The following DDAH1 variants were observed in gnomAD, a reference collection of about 807,000 sequenced individuals.
DDAH1 encodes N(G),N(G)-dimethylarginine dimethylaminohydrolase 1.
DDAH1 carries 19 observed loss-of-function variants against 28.8 expected under a neutral mutation model. That is an observed-to-expected ratio of 0.66 (90% CI 0.46 to 0.97). DDAH1 has a LOEUF of 0.97. DDAH1 is among the 50% of genes least tolerant of loss of function. DDAH1 has a pLI of 0.00. For missense variants in DDAH1, 326 were observed against 375.9 expected (o/e 0.87, Z 1.10); for synonymous variants, 153 against 154.4 (o/e 0.99, Z 0.07).
chr1:85,566,004 C>T (rs12409518), intron 1 of DDAH1, among the ~76,000 whole-genome samples: 55,025 of 151,174 alleles, frequency 0.36, 10,530 homozygotes, highest in Non-Finnish European at 0.43. Context: ...TCACTTGAAC[C>T]CAGTAGGCGG....
At chr1:85,529,363 A>G (rs577577833) in intron 1 of DDAH1, among the ~76,000 whole-genome samples, 1 of 152,060 alleles carries the variant, frequency 6.6e-6, no homozygotes, top group Non-Finnish European at 1.5e-5. Flanking sequence ...CCTTTTCTTG[A>G]TGCTGCCTGC....
At chr1:85,539,583 TC>T in intron 1 of DDAH1, among the ~76,000 whole-genome samples, 1 of 151,162 alleles carries the variant, frequency 6.6e-6, no homozygotes, top group Admixed American at 6.6e-5. Flanking sequence ...CACAGTTCTC[TC>T]AATCATATCC....
At chr1:85,335,383 T>A (rs1157194302) in intron 4 of DDAH1, among the ~76,000 whole-genome samples, 1 of 152,160 alleles carries the variant, frequency 6.6e-6, no homozygotes, top group African/African-American at 2.4e-5. Context: ...TAAAAAATAT[T>A]TTTTTAAAAC....
chr1:85,376,315 T>C (rs1361288953), intron 1 of DDAH1, among the ~76,000 whole-genome samples: 1 of 152,166 alleles, frequency 6.6e-6, no homozygotes, highest in African/African-American at 2.4e-5. Flanking sequence ...ACTAGTGCAC[T>C]ATTTACACTA....
At chr1:85,337,459 T>TG (rs1238680782) in intron 4 of DDAH1, among the ~76,000 whole-genome samples, 6 of 151,800 alleles carry the variant, frequency 4.0e-5, no homozygotes. Context: ...AAAACTAATT[T>TG]TTTTTTTTTT....
chr1:85,542,701 T>C (rs957864168), intron 1 of DDAH1, among the ~76,000 whole-genome samples: 7 of 152,206 alleles, frequency 4.6e-5, no homozygotes, highest in African/African-American at 1.7e-4. Context: ...ATCCACCTTG[T>C]CCAACCCAAA....
chr1:85,385,829 C>T (rs1383189136), intron 1 of DDAH1, among the ~76,000 whole-genome samples: 1 of 152,070 alleles, frequency 6.6e-6, no homozygotes, highest in Non-Finnish European at 1.5e-5. Context: ...AAGAATGGTG[C>T]CAGCATATCC....
At chr1:85,385,755 T>C (rs1651226205) in intron 1 of DDAH1, among the ~76,000 whole-genome samples, 1 of 152,204 alleles carries the variant, frequency 6.6e-6, no homozygotes, top group South Asian at 2.1e-4. Flanking sequence ...AAGGAATACC[T>C]GAAGCTGGGT....
chr1:85,503,168 G>T (rs1408869183), intron 1 of DDAH1, among the ~76,000 whole-genome samples: 3 of 152,060 alleles, frequency 2.0e-5, no homozygotes, highest in Non-Finnish European at 4.4e-5. Context: ...TAAAAAAGTT[G>T]AAATATATTA....
chr1:85,559,423 A>G (rs1262241505), intron 1 of DDAH1, among the ~76,000 whole-genome samples: 1 of 152,210 alleles, frequency 6.6e-6, no homozygotes, highest in African/African-American at 2.4e-5. Context: ...ACTCAACAAC[A>G]TAATAGCCAT....
intron 1 of DDAH1, among the ~76,000 whole-genome samples, chr1:85,459,086 C>A (rs572677116): frequency 2.8e-4 from 43 of 152,130 alleles, no homozygotes; most frequent in Non-Finnish European, 4.9e-4. Flanking sequence ...GACACAAAGG[C>A]AGTGGAAGGT....
At chr1:85,372,299 T>C (rs1359925572) in intron 1 of DDAH1, among the ~76,000 whole-genome samples, 1 of 152,196 alleles carries the variant, frequency 6.6e-6, no homozygotes, top group Non-Finnish European at 1.5e-5. Flanking sequence ...TTTCCAACCA[T>C]AGTTGTACAA....
Position 85,351,595 on chromosome 1 carries a change from T to A in DDAH1, c.404-16A>T. The A allele has an allele frequency of 6.2e-7, 1 of 1,603,040 alleles. No individual in the cohort carries two copies. Among genetic ancestry groups the A allele is most frequent in the African/African-American group, 1.3e-5 (1 of 74,832 alleles). On this transcript the variant is annotated splice_polypyrimidine_tract_variant and intron_variant, in intron 2 of 5. Coordinates refer to ENST00000284031, the MANE Select transcript of DDAH1 (RefSeq NM_012137.4). ...AATTCTCTGCCTGTAATAGATGTCA[T>A]GGAACATAGTGAGCAGGTGGCACCA...
intron 1 of DDAH1, among the ~76,000 whole-genome samples, chr1:85,453,134 G>A (rs1336855155): frequency 2.0e-5 from 3 of 152,120 alleles, no homozygotes; most frequent in African/African-American, 7.2e-5. Context: ...CTGTATTGAG[G>A]CCAACAAGCT....
At position 85,475,655 on chromosome 1, in the gene DDAH1, T is replaced by C. The variant is rs139227297; in HGVS notation, c.-7+20511A>G. 3.3e-3 allele frequency among the ~76,000 whole-genome samples: 502 copies of C among 152,318 alleles called. 3 individuals are homozygous for C. The Middle Eastern group carries it at 0.041, about 12-fold the overall frequency. On this transcript the variant is annotated intron_variant, in intron 2 of 6. Transcript: ENST00000426972. The stretch of plus-strand genomic sequence containing the variant: ...ACTGTCAGATTATTTCCCCACACTT[T>C]CTTTTTCTTGCCAGCACCATTATAA...
chr1:85,386,536 C>T (rs530901545), intron 1 of DDAH1, among the ~76,000 whole-genome samples: 4 of 152,334 alleles, frequency 2.6e-5, no homozygotes, highest in South Asian at 4.1e-4. Context: ...AGTGCTGTCC[C>T]CACAGCTTTG....
intron 1 of DDAH1, among the ~76,000 whole-genome samples, chr1:85,462,641 C>T (rs1655179361): frequency 6.6e-6 from 1 of 152,178 alleles, no homozygotes; most frequent in Admixed American, 6.5e-5. Context: ...AGCATTAACA[C>T]CTACCAAGGC....
intron 4 of DDAH1, among the ~76,000 whole-genome samples, chr1:85,350,197 A>G (rs1012142714): frequency 1.1e-4 from 17 of 152,064 alleles, no homozygotes; most frequent in African/African-American, 4.1e-4. Context: ...TCTGGTGTGT[A>G]ACTAAAAACA....
At chr1:85,438,973 G>A (rs975152211) in intron 1 of DDAH1, among the ~76,000 whole-genome samples, 3 of 152,170 alleles carry the variant, frequency 2.0e-5, no homozygotes, top group East Asian at 1.9e-4. Flanking sequence ...GAAATAACTC[G>A]TCTTCACTAA....
Sources: gnomAD v4.1 joint callset for allele counts (sites outside exome capture counted in the v4.1 genomes callset) on GRCh38, gnomAD v4.1.1 for gene constraint, MANE v1.5 for transcripts, NCBI Gene and HGNC (gene_info 2026-07-23, HGNC 2026-07-21) for gene names.